The following DLGAP2 variants were observed in gnomAD, a reference collection of about 807,000 sequenced individuals.
DLGAP2 encodes the protein disks large-associated protein 2.
DLGAP2 carries 26 observed loss-of-function variants against 100.3 expected under a neutral mutation model. That is an observed-to-expected ratio of 0.26 (90% CI 0.19 to 0.36). DLGAP2 has a LOEUF of 0.36. Ranked by LOEUF, DLGAP2 falls within the 10% of genes least tolerant of loss-of-function variation. The pLI is 1.00. For synonymous variants in DLGAP2, 886 were observed against 630.1 expected (o/e 1.41, Z -6.08); for missense variants, 1,858 against 1,453.2 (o/e 1.28, Z -4.53).
chr8:1,328,118 C>T (rs916464133), intron 3 of DLGAP2, among the ~76,000 whole-genome samples: 1 of 151,994 alleles, frequency 6.6e-6, no homozygotes, highest in Non-Finnish European at 1.5e-5. Context: ...CAGCTCACTG[C>T]ATACTCCACC....
At chr8:1,007,192 T>C (rs190638199) in intron 2 of DLGAP2, among the ~76,000 whole-genome samples, 8 of 151,484 alleles carry the variant, frequency 5.3e-5, no homozygotes, top group South Asian at 2.1e-4. Flanking sequence ...TCCTTTATCA[T>C]GTCGGGGACA....
At chr8:1,011,387 C>T (rs1407670013) in intron 2 of DLGAP2, among the ~76,000 whole-genome samples, 1 of 145,646 alleles carries the variant, frequency 6.9e-6, no homozygotes, top group Non-Finnish European at 1.5e-5. Context: ...ACACAGTGAG[C>T]CCTAGAATGA....
At chr8:1,413,753 G>T (rs1261096963) in intron 3 of DLGAP2, among the ~76,000 whole-genome samples, 1 of 152,232 alleles carries the variant, frequency 6.6e-6, no homozygotes, top group Admixed American at 6.5e-5. Context: ...CAGGTGCAAT[G>T]ACAGGATGAT....
chr8:1,218,848 G>A (rs980611545), intron 2 of DLGAP2, among the ~76,000 whole-genome samples: 13 of 152,092 alleles, frequency 8.5e-5, no homozygotes, highest in African/African-American at 2.7e-4. Flanking sequence ...TCACCACCTG[G>A]TTAGCTGTAT....
chr8:1,039,461 T>C (rs56203440), intron 2 of DLGAP2, among the ~76,000 whole-genome samples: 2 of 147,528 alleles, frequency 1.4e-5, no homozygotes, highest in Admixed American at 1.3e-4. Context: ...TGGCTCGGTA[T>C]GCATGTTCAG....
In DLGAP2 at chr8:1,553,756, CT is replaced by C. The variant is rs1228592429; in HGVS notation, c.1230+4076del. Reference sequence around the variant, plus strand: ...GCGGGTCCCATCACCGAGTTCTGAGCTTTCCTTGCAGCCATTCTCTGAACGA... The same window carrying C: ...GCGGGTCCCATCACCGAGTTCTGAGCTTCCTTGCAGCCATTCTCTGAACGA... On this transcript the variant is annotated intron_variant, in intron 5 of 14. Transcript: ENST00000637795. Among the ~76,000 whole-genome samples the C allele has an allele frequency of 2.0e-5, 3 of 152,138 alleles. No individual in the cohort carries two copies. The East Asian group carries it at 5.8e-4, about 29-fold the overall frequency.
intron 4 of DLGAP2, among the ~76,000 whole-genome samples, chr8:1,504,130 G>T (rs1415824163): frequency 6.6e-6 from 1 of 151,432 alleles, no homozygotes; most frequent in Non-Finnish European, 1.5e-5. Context: ...AAACATACCA[G>T]TGCCCAGGCC....
intron 2 of DLGAP2, among the ~76,000 whole-genome samples, chr8:1,170,245 G>C (rs201467307): frequency 6.6e-6 from 1 of 151,938 alleles, no homozygotes. Flanking sequence ...ACTTGTTCAT[G>C]CTGGATAAGC....
At chr8:973,258 C>A (rs1479831018) in intron 2 of DLGAP2, among the ~76,000 whole-genome samples, 2 of 148,240 alleles carry the variant, frequency 1.3e-5, no homozygotes, top group East Asian at 2.1e-4. Context: ...GCTGTCCCCC[C>A]ACCTCCCTCC....
chr8:1,478,138 G>C (rs780133229), intron 3 of DLGAP2, among the ~76,000 whole-genome samples: 1 of 152,194 alleles, frequency 6.6e-6, no homozygotes, highest in Non-Finnish European at 1.5e-5. Context: ...AATGCCCTCT[G>C]TTTTTTAAAT....
At chr8:1,626,501 A>G (rs1192393992) in intron 6 of DLGAP2, among the ~76,000 whole-genome samples, 11 of 147,458 alleles carry the variant, frequency 7.5e-5, no homozygotes, top group African/African-American at 2.8e-4. Context: ...TGTGGGTTGG[A>G]CGGTCGTTCC....
At chr8:1,455,900 C>T (rs73672711) in intron 3 of DLGAP2, among the ~76,000 whole-genome samples, 3,768 of 152,270 alleles carry the variant, frequency 0.025, 129 homozygotes, top group African/African-American at 0.085. Flanking sequence ...CGGCCTCTGC[C>T]CGGCACGAAA....
At chr8:1,630,924 C>T (rs1178989998) in intron 7 of DLGAP2, among the ~76,000 whole-genome samples, 3 of 147,084 alleles carry the variant, frequency 2.0e-5, no homozygotes, top group Non-Finnish European at 3.0e-5. Context: ...GCGGGAGGTC[C>T]GGGTGTCCCG....
At chr8:1,336,065 C>T (rs992920181) in intron 3 of DLGAP2, among the ~76,000 whole-genome samples, 8 of 152,246 alleles carry the variant, frequency 5.3e-5, no homozygotes, top group Non-Finnish European at 1.0e-4. Flanking sequence ...CGTCTCATGT[C>T]AAGCCTGGTC....
At chr8:893,108 GC>G (rs1192199493) in intron 1 of DLGAP2, 1 of 152,254 alleles carries the variant, frequency 6.6e-6, no homozygotes, top group Middle Eastern at 3.2e-3. Context: ...AGACACCCTT[GC>G]CTGCAAGTTC....
At chr8:907,873 A>G (rs1302579773) in intron 1 of DLGAP2, 39 bp from the exon 2 acceptor site, 4 of 398,638 alleles carry the variant, frequency 1.0e-5, no homozygotes, top group African/African-American at 6.2e-5. Context: ...CTCCACGCGA[A>G]TGATAACAAA....
chr8:852,491 T>C (rs1266479687), intron 1 of DLGAP2, among the ~76,000 whole-genome samples: 2 of 152,274 alleles, frequency 1.3e-5, no homozygotes, highest in African/African-American at 4.8e-5. Context: ...AATGAATTAT[T>C]AGCTTGATTT....
At chr8:1,599,998 A>C (rs1305759347) in intron 6 of DLGAP2, among the ~76,000 whole-genome samples, 2 of 152,264 alleles carry the variant, frequency 1.3e-5, no homozygotes, top group South Asian at 2.1e-4. Flanking sequence ...ATGTTTTTGC[A>C]GTGGCTGGTA....
At chr8:1,203,424 G>GGCGTGTCCTTCGGTGAC in intron 2 of DLGAP2, among the ~76,000 whole-genome samples, 2 of 152,044 alleles carry the variant, frequency 1.3e-5, no homozygotes, top group Admixed American at 6.5e-5. Flanking sequence ...CCATGAGACT[G>GGCGTGTCCTTCGGTGAC]ATGACCCTGA....
Sources: gnomAD v4.1 joint callset for allele counts (sites outside exome capture counted in the v4.1 genomes callset) on GRCh38, gnomAD v4.1.1 for gene constraint, MANE v1.5 for transcripts, NCBI Gene and HGNC (gene_info 2026-07-23, HGNC 2026-07-21) for gene names.